Variants in CACNA2D1 observed in about 807,000 individuals in gnomAD.
CACNA2D1 encodes voltage-dependent calcium channel subunit alpha-2/delta-1.
In CACNA2D1, 53 loss-of-function variants were observed where a neutral mutation model predicts 171.5. That is an observed-to-expected ratio of 0.31 (90% CI 0.25 to 0.39). CACNA2D1 has a LOEUF of 0.39. CACNA2D1 is among the 10% of genes least tolerant of loss of function. The pLI is 1.00. For missense variants in CACNA2D1, 903 were observed against 1,299.8 expected, an observed-to-expected ratio of 0.69 and a Z score of 4.69; for synonymous variants, 442 against 443.1, an observed-to-expected ratio of 1.00 and a Z score of 0.03.
At chr7:81,988,458 C>T (rs1419535150) in intron 21 of CACNA2D1, among the ~76,000 whole-genome samples, 2 of 152,134 alleles carry the variant, frequency 1.3e-5, no homozygotes, top group Non-Finnish European at 2.9e-5. Flanking sequence ...GTCTATTCTA[C>T]ATGCAATCCT....
chr7:81,988,465 T>G (rs1275669878), intron 21 of CACNA2D1, among the ~76,000 whole-genome samples: 1 of 152,140 alleles, frequency 6.6e-6, no homozygotes. Context: ...CTACATGCAA[T>G]CCTAGGAATA....
At chr7:82,388,226 AC>A (rs1162852959) in intron 1 of CACNA2D1, among the ~76,000 whole-genome samples, 2 of 152,208 alleles carry the variant, frequency 1.3e-5, no homozygotes, top group Non-Finnish European at 2.9e-5. Flanking sequence ...CTTGAATGCT[AC>A]AAATTAGTAA....
chr7:81,979,757 A>G (rs539497897), intron 24 of CACNA2D1, among the ~76,000 whole-genome samples: 1 of 152,308 alleles, frequency 6.6e-6, no homozygotes, highest in Non-Finnish European at 1.5e-5. Flanking sequence ...AATTAATTAA[A>G]GTGACTTGTG....
At chr7:81,996,742 T>C (rs1798086854) in intron 19 of CACNA2D1, among the ~76,000 whole-genome samples, 1 of 151,808 alleles carries the variant, frequency 6.6e-6, no homozygotes, top group African/African-American at 2.4e-5. Flanking sequence ...ATTTTGCTTT[T>C]GAAATAAAAT....
rs1789165012 is a variant in CACNA2D1 at position 82,117,231 on chromosome 7, C to T, written c.397-58G>A. On this transcript the variant is annotated intron_variant, in intron 5 of 38. Coordinates refer to ENST00000356860, the MANE Select transcript of CACNA2D1 (RefSeq NM_000722.4). ...ATTTTTGCTAACATAAATATTTTCA[C>T]ATGCACTTCTTTACTTGCCAAATGC... 3 of 1,528,696 alleles carry T rather than the reference C, an allele frequency of 2.0e-6. No homozygotes were observed. The African/African-American group carries it at 4.1e-5, about 21-fold the overall frequency. 94.7% of individuals were successfully genotyped at this position (1,528,696 alleles called of 1,614,324 possible).
chr7:82,341,042 C>G (rs1469850435), intron 2 of CACNA2D1, among the ~76,000 whole-genome samples: 1 of 152,124 alleles, frequency 6.6e-6, no homozygotes, highest in Non-Finnish European at 1.5e-5. Context: ...TTGAATTTTG[C>G]AACGTGGGAT....
intron 24 of CACNA2D1, among the ~76,000 whole-genome samples, chr7:81,975,957 T>C (rs1795795198): frequency 2.0e-5 from 3 of 150,994 alleles, no homozygotes; most frequent in Non-Finnish European, 2.9e-5. Context: ...TGAATAACCA[T>C]AGTTCTGTAA....
At chr7:82,003,577 C>A (rs2130853322) in intron 18 of CACNA2D1, among the ~76,000 whole-genome samples, 1 of 150,070 alleles carries the variant, frequency 6.7e-6, no homozygotes, top group Middle Eastern at 3.6e-3. Context: ...ATTGTTACAG[C>A]CCTTAGATGG....
intron 12 of CACNA2D1, among the ~76,000 whole-genome samples, chr7:82,024,898 A>G (rs1801686024): frequency 1.3e-5 from 2 of 151,628 alleles, no homozygotes; most frequent in Non-Finnish European, 3.0e-5. Flanking sequence ...TTGTTGCACA[A>G]TGGGGAAACC....
intron 12 of CACNA2D1, among the ~76,000 whole-genome samples, chr7:82,027,242 C>T (rs912487331): frequency 1.3e-5 from 2 of 151,594 alleles, no homozygotes; most frequent in Admixed American, 1.3e-4. Flanking sequence ...GGGATGGGTA[C>T]TCAATTTTCC....
chr7:81,977,890 G>A (rs564054911), intron 24 of CACNA2D1, among the ~76,000 whole-genome samples: 1 of 149,852 alleles, frequency 6.7e-6, no homozygotes, highest in Admixed American at 6.7e-5. Context: ...AAATTTCCAA[G>A]AAAAAAACAA....
chr7:82,115,997 TA>T (rs1235304401), intron 6 of CACNA2D1, among the ~76,000 whole-genome samples: 2 of 152,196 alleles, frequency 1.3e-5, no homozygotes, highest in Admixed American at 1.3e-4. Flanking sequence ...ATAATACTGC[TA>T]AAATTTAAAT....
chr7:82,272,546 C>A (rs1808776003), intron 3 of CACNA2D1, among the ~76,000 whole-genome samples: 1 of 152,092 alleles, frequency 6.6e-6, no homozygotes, highest in South Asian at 2.1e-4. Context: ...GAATTGCTCA[C>A]TGTTGGGGAA....
At chr7:81,962,916 TTTG>T (rs1259955938) in intron 34 of CACNA2D1, among the ~76,000 whole-genome samples, 1 of 152,080 alleles carries the variant, frequency 6.6e-6, no homozygotes, top group African/African-American at 2.4e-5. Context: ...TGGGTTTGAA[TTTG>T]TTAACTATTT....
intron 2 of CACNA2D1, among the ~76,000 whole-genome samples, chr7:82,345,465 A>G (rs1819134989): frequency 6.6e-6 from 1 of 152,194 alleles, no homozygotes; most frequent in African/African-American, 2.4e-5. Context: ...TGCAGATGCT[A>G]TCCTAAAATT....
intron 1 of CACNA2D1, among the ~76,000 whole-genome samples, chr7:82,383,447 GA>G (rs1282536215): frequency 6.6e-6 from 1 of 151,180 alleles, no homozygotes; most frequent in Non-Finnish European, 1.5e-5. Context: ...TAGAAAGTAG[GA>G]AGAAGATTTG....
chr7:82,194,068 G>A (rs1431477347), intron 3 of CACNA2D1, among the ~76,000 whole-genome samples: 2 of 151,982 alleles, frequency 1.3e-5, no homozygotes, highest in Non-Finnish European at 2.9e-5. Context: ...AGTTTGTGTT[G>A]AATTAAATTT....
intron 3 of CACNA2D1, among the ~76,000 whole-genome samples, chr7:82,248,016 C>T (rs115559408): frequency 0.011 from 1,707 of 152,258 alleles, 25 homozygotes; most frequent in African/African-American, 0.039. Flanking sequence ...AGTTATACTG[C>T]CACCTATCTA....
chr7:82,188,392 A>C (rs1797976202), intron 3 of CACNA2D1, among the ~76,000 whole-genome samples: 1 of 152,150 alleles, frequency 6.6e-6, no homozygotes, highest in South Asian at 2.1e-4. Flanking sequence ...AGTCATATTT[A>C]AGGCATATTT....
Sources: gnomAD v4.1 joint callset for allele counts (sites outside exome capture counted in the v4.1 genomes callset) on GRCh38, gnomAD v4.1.1 for gene constraint, MANE v1.5 for transcripts, NCBI Gene and HGNC (gene_info 2026-07-23, HGNC 2026-07-21) for gene names.